Variants in MED13L observed in about 807,000 individuals in gnomAD.
MED13L encodes the protein mediator of RNA polymerase II transcription subunit 13-like.
Under a neutral mutation model 220.9 loss-of-function variants are expected in MED13L, and 7 were observed. The ratio of observed to expected loss-of-function variants is 0.03; its 90% CI spans 0.02 to 0.06. The LOEUF is 0.06. MED13L is among the 10% of genes least tolerant of loss of function. The pLI is 1.00. For synonymous variants in MED13L, 1,011 were observed against 1,015.2 expected, an observed-to-expected ratio of 1.00 and a Z score of 0.08; for missense variants, 1,965 against 2,760.5, an observed-to-expected ratio of 0.71 and a Z score of 6.46.
At chr12:116,117,751 C>T (rs149586377) in intron 2 of MED13L, among the ~76,000 whole-genome samples, 1 of 152,124 alleles carries the variant, frequency 6.6e-6, no homozygotes, top group East Asian at 1.9e-4. Context: ...TTATATTCTT[C>T]ACTTCATATC....
At chr12:116,061,464 C>T (rs1244258905) in intron 4 of MED13L, among the ~76,000 whole-genome samples, 2 of 151,978 alleles carry the variant, frequency 1.3e-5, no homozygotes, top group African/African-American at 2.4e-5. Context: ...ATTAACTTCT[C>T]GGTATTTCAG....
At chr12:116,096,354 CAAAAAA>C (rs537207957) in intron 4 of MED13L, among the ~76,000 whole-genome samples, 808 of 23,462 alleles carry the variant, frequency 0.034, 9 homozygotes, top group African/African-American at 0.099. Flanking sequence ...GACACAGCCT[CAAAAAA>C]AAAAAAAAAA....
At chr12:116,124,686 TC>T (rs1192167921) in intron 2 of MED13L, among the ~76,000 whole-genome samples, 1 of 152,178 alleles carries the variant, frequency 6.6e-6, no homozygotes, top group Non-Finnish European at 1.5e-5. Flanking sequence ...CGCCCATCAA[TC>T]CCTGCACCTG....
At chr12:116,101,542 G>GA (rs34789845) in intron 3 of MED13L, among the ~76,000 whole-genome samples, 2 of 152,016 alleles carry the variant, frequency 1.3e-5, no homozygotes, top group African/African-American at 2.4e-5. Context: ...TGTTTGAGGG[G>GA]AAAAAATCTA....
chr12:116,036,458 A>G (rs544423499), intron 4 of MED13L, among the ~76,000 whole-genome samples: 1 of 152,308 alleles, frequency 6.6e-6, no homozygotes, highest in African/African-American at 2.4e-5. Context: ...CAATATTCTA[A>G]ATCCTCTAAA....
intron 4 of MED13L, among the ~76,000 whole-genome samples, chr12:116,037,862 C>G (rs535528528): frequency 4.6e-5 from 7 of 152,004 alleles, no homozygotes; most frequent in African/African-American, 1.7e-4. Context: ...GGTCCCACTC[C>G]GGTAGTAAAA....
chr12:116,142,113 C>A (rs900921464), intron 2 of MED13L, among the ~76,000 whole-genome samples: 2 of 152,136 alleles, frequency 1.3e-5, no homozygotes, highest in Admixed American at 1.3e-4. Flanking sequence ...TCTCTGACTA[C>A]CCTACTTAAA....
intron 4 of MED13L, among the ~76,000 whole-genome samples, chr12:116,040,503 C>T (rs1881458198): frequency 6.6e-6 from 1 of 152,180 alleles, no homozygotes; most frequent in Admixed American, 6.5e-5. Context: ...GTTCTCCTTT[C>T]ATAATGCTAA....
chr12:115,972,855 C>T (rs550864597), intron 25 of MED13L, among the ~76,000 whole-genome samples: 70 of 152,236 alleles, frequency 4.6e-4, no homozygotes, highest in African/African-American at 1.6e-3. Context: ...AAGCATTATA[C>T]CTAACTGGAG....
intron 2 of MED13L, among the ~76,000 whole-genome samples, chr12:116,226,622 G>A (rs1488719053): frequency 7.2e-5 from 11 of 152,090 alleles, no homozygotes; most frequent in African/African-American, 1.7e-4. Context: ...TAATCCCAGC[G>A]CTTTGGGAGG....
At chr12:116,156,367 G>A (rs907650573) in intron 2 of MED13L, among the ~76,000 whole-genome samples, 1 of 145,232 alleles carries the variant, frequency 6.9e-6, no homozygotes, top group Admixed American at 7.0e-5. Context: ...CTGGATTGTA[G>A]GCAGCACAGT....
intron 4 of MED13L, among the ~76,000 whole-genome samples, chr12:116,067,352 T>C (rs1410865937): frequency 6.6e-6 from 1 of 152,160 alleles, no homozygotes; most frequent in African/African-American, 2.4e-5. Flanking sequence ...GAAGCATATA[T>C]GAAGTTGGAA....
chr12:116,063,188 A>T (rs1273894372), intron 4 of MED13L, among the ~76,000 whole-genome samples: 1 of 152,212 alleles, frequency 6.6e-6, no homozygotes, highest in Non-Finnish European at 1.5e-5. Flanking sequence ...GCCCCTGGGC[A>T]GCCCAGAAGA....
intron 25 of MED13L, chr12:115,972,447 T>G (rs867421552): frequency 1.2e-4 from 68 of 585,320 alleles, no homozygotes; most frequent in South Asian, 8.0e-4. Flanking sequence ...CCTACTATTC[T>G]GTGGCTGAAG....
chr12:116,149,692 T>C (rs1877879915), intron 2 of MED13L, among the ~76,000 whole-genome samples: 1 of 152,098 alleles, frequency 6.6e-6, no homozygotes, highest in Non-Finnish European at 1.5e-5. Context: ...AACAGGGAGA[T>C]TAAGGAAAGA....
chr12:116,081,617 C>A (rs1009407900), intron 4 of MED13L, among the ~76,000 whole-genome samples: 5 of 152,182 alleles, frequency 3.3e-5, no homozygotes, highest in Non-Finnish European at 7.3e-5. Flanking sequence ...GGCACAGTGG[C>A]ACACATCTGT....
chr12:116,125,977 G>C (rs1875555091), intron 2 of MED13L, among the ~76,000 whole-genome samples: 1 of 152,044 alleles, frequency 6.6e-6, no homozygotes, highest in Non-Finnish European at 1.5e-5. Context: ...TTCTCCCCTT[G>C]TGTCTTCAAA....
intron 2 of MED13L, among the ~76,000 whole-genome samples, chr12:116,220,865 A>G (rs1239528973): frequency 1.3e-5 from 2 of 152,146 alleles, no homozygotes; most frequent in South Asian, 2.1e-4. Flanking sequence ...GAGTTGGGGG[A>G]AAAAACTGTG....
In MED13L at chr12:115,986,324, T is replaced by C; in HGVS notation, c.4280A>G (p.Asn1427Ser). The change falls in exon 19 of 31, where the codon AAT becomes AGT. Residue 1427 changes from asparagine (N) to serine (S), a missense_variant. Physicochemically the swap from Asn to Ser is conservative, Grantham distance 46. Coordinates refer to ENST00000281928, the MANE Select transcript of MED13L (RefSeq NM_015335.5). Reference sequence around the variant, plus strand: ...TTTGGCTCCTTCGAGCAAGGCCTCATTTTCTGGACACACCACAATATAGGC... The same window carrying C: ...TTTGGCTCCTTCGAGCAAGGCCTCACTTTCTGGACACACCACAATATAGGC... The part of the protein sequence containing the change: ...DVAYIVVCPE[N>S]EALLEGAKTF... 6.2e-7 allele frequency: 1 copy of C among 1,614,116 alleles called. No individual in the cohort carries two copies. Among genetic ancestry groups the C allele is most frequent in the South Asian group, 1.1e-5 (1 of 91,080 alleles).
Sources: allele counts gnomAD v4.1 joint callset (sites outside exome capture counted in the v4.1 genomes callset), GRCh38; gene constraint gnomAD v4.1.1; transcripts MANE v1.5; gene names NCBI Gene and HGNC (gene_info 2026-07-23, HGNC 2026-07-21).